PCDHA1: variants seen among roughly 807,000 people sequenced by gnomAD.
PCDHA1 encodes the protein protocadherin alpha-1.
Under a neutral mutation model 61.3 loss-of-function variants are expected in PCDHA1, and 42 were observed. That is an observed-to-expected ratio of 0.69 (90% CI 0.54 to 0.89). PCDHA1 has a LOEUF of 0.89. Among genes scored for constraint, PCDHA1 ranks in the 40% least tolerant of loss-of-function variants. The probability of loss-of-function intolerance (pLI) is 0.00; values close to 1 mark genes in which losing one functional copy is unlikely to be tolerated. For synonymous variants in PCDHA1, 610 were observed against 553.8 expected (o/e 1.10, Z -1.43); for missense variants, 1,256 against 1,235.3 (o/e 1.02, Z -0.25).
chr5:140,891,708 C>A (rs1422243783), intron 1 of PCDHA1, among the ~76,000 whole-genome samples: 1 of 152,182 alleles, frequency 6.6e-6, no homozygotes, highest in Middle Eastern at 3.4e-3. Flanking sequence ...TGAATTTGTA[C>A]CCCCAAATTC....
In PCDHA1 at chr5:141,010,888, T is replaced by C. The variant is rs1419215366; in HGVS notation, c.*951T>C. The stretch of plus-strand genomic sequence containing the variant: ...AGCTATAAATCTTTAAAGAGAAATA[T>C]GAATACAATTCCCCTAAACTCTCCT... On this transcript the variant is annotated 3_prime_UTR_variant, in exon 4 of 4. Transcript: ENST00000504120. The C allele has an allele frequency of 3.9e-5, 6 of 153,866 alleles. 1 individual carries two copies. The highest frequency in any genetic ancestry group is 1.4e-4 in the African/African-American group (6 of 41,562). The allele number at this position is 153,866 out of a possible 1,614,324, so 9.5% of individuals were successfully genotyped here. A position where few individuals can be genotyped will look rare whatever the true frequency, so the allele number is the denominator to read the frequency against.
In PCDHA1 at chr5:140,978,987, C is replaced by T; in HGVS notation, c.2433C>T (p.Ser811=). 4 of 1,614,162 alleles carry T rather than the reference C, an allele frequency of 2.5e-6. No homozygotes were observed. In the South Asian group the frequency reaches 3.3e-5, roughly 13 times the overall value. The change falls in exon 2 of 4, where the codon TCC becomes TCT. Residue 811 remains serine (S), a synonymous_variant. Transcript: ENST00000504120. ...QPNPDWRYSA[S]LRAGMHSSVH... ...ACCCTGACTGGCGTTACTCTGCCTC[C>T]CTGAGAGCAGGCATGCACAGGTATG...
chr5:140,993,462 T>TCACACACACACA (rs3836747), intron 3 of PCDHA1, among the ~76,000 whole-genome samples: 55 of 141,044 alleles, frequency 3.9e-4, no homozygotes, highest in Non-Finnish European at 5.3e-4. Context: ...TCTTTCTTTC[T>TCACACACACACA]CACACACACA....
chr5:140,788,386 A>C lies in PCDHA1; in HGVS notation c.2096A>C (p.Tyr699Ser), dbSNP rs1761463365. 1 of 1,613,908 alleles carries C rather than the reference A, an allele frequency of 6.2e-7. No homozygotes were observed. Among genetic ancestry groups the C allele is most frequent in the African/African-American group, 1.3e-5 (1 of 74,936 alleles). Residue 699 changes from tyrosine (Y) to serine (S), a missense_variant, in exon 1 of 4, where the codon TAC becomes TCC. Transcript: ENST00000504120. ...PEAALVDVNV[Y>S]LIIAICAVSS... is the part of the protein sequence containing the mutation. The stretch of plus-strand genomic sequence containing the variant: ...GCGGCGCTGGTGGATGTCAACGTGT[A>C]CCTGATCATCGCCATCTGCGCGGTG...
At chr5:140,824,621 T>A (rs536552035) in intron 1 of PCDHA1, 1 of 130,846 alleles carries the variant, frequency 7.6e-6, no homozygotes, top group Non-Finnish European at 1.6e-5. Flanking sequence ...TTTTTTTTTT[T>A]TTTTTTTTTT....
Position 140,835,890 on chromosome 5 carries a change from G to C in PCDHA1, c.2394+47206G>C, listed in dbSNP as rs147416989. 5.6e-6 allele frequency: 9 copies of C among 1,611,850 alleles called. No individual in the cohort carries two copies. The Admixed American group carries it at 1.5e-4, about 27-fold the overall frequency. On this transcript the variant is annotated intron_variant, in intron 1 of 3. Transcript: ENST00000504120. The stretch of plus-strand genomic sequence containing the variant: ...GGTGGAGCTGCGGGTGGGCGAGCGC[G>C]CGCTGTCGAGCTACGTGTCAGTGCA...
rs1554118079 is a variant in PCDHA1, at chr5:140,787,968, G to T, written c.1678G>T (p.Asp560Tyr). ...TLQVFVLDEN[D>Y]NAPALLAPRV... The stretch of plus-strand genomic sequence containing the variant: ...GCAGGTGTTCGTGCTGGACGAGAAC[G>T]ACAACGCGCCGGCGCTGCTGGCGCC... The change falls in exon 1 of 4, where the codon GAC becomes TAC. Residue 560 changes from aspartate to tyrosine, a missense_variant. By Grantham distance (160) the Asp-to-Tyr change is radical (BLOSUM62 -3). Transcript: ENST00000504120. The T allele has an allele frequency of 6.2e-7, 1 of 1,613,846 alleles. No homozygotes were observed. The highest frequency in any genetic ancestry group is 1.3e-5 in the African/African-American group (1 of 74,940).
intron 1 of PCDHA1, chr5:140,881,430 T>G: frequency 1.1e-6 from 1 of 889,582 alleles, no homozygotes; most frequent in Non-Finnish European, 1.3e-6. Flanking sequence ...TCCAGGCATA[T>G]TTTATAAAAA....
intron 1 of PCDHA1, among the ~76,000 whole-genome samples, chr5:140,910,320 A>G (rs1362740704): frequency 1.3e-5 from 2 of 152,212 alleles, no homozygotes; most frequent in African/African-American, 4.8e-5. Flanking sequence ...CATGAGTCAG[A>G]CTATTGTGAT....
intron 2 of PCDHA1, 29 bp downstream of exon 2, chr5:140,979,036 A>G: frequency 6.2e-7 from 1 of 1,613,064 alleles, no homozygotes. Context: ...ATTCACTCAG[A>G]AGTAACCTTA....
Position 140,787,293 on chromosome 5 carries a change from A to G in PCDHA1, c.1003A>G (p.Lys335Glu), listed in dbSNP as rs1761361821. 3 of 1,614,060 alleles carry G rather than the reference A, an allele frequency of 1.9e-6. No homozygotes were observed. Among genetic ancestry groups the G allele is most frequent in the East Asian group, 2.2e-5 (1 of 44,894 alleles). The change falls in exon 1 of 4, where the codon AAG (lysine) becomes GAG (glutamate). Residue 335 changes from lysine (K) to glutamate (E), a missense_variant. By Grantham distance (56) the Lys-to-Glu change is moderately conservative. Transcript: ENST00000504120. ...KGSPPMSNHC[K>E]VLVKVLDVND... ...AAGTCCTCCGATGTCAAATCACTGT[A>G]AGGTTTTGGTGAAAGTGCTGGATGT...
At chr5:140,954,831 C>CCT (rs2095096167) in intron 1 of PCDHA1, among the ~76,000 whole-genome samples, 1 of 152,116 alleles carries the variant, frequency 6.6e-6, no homozygotes, top group Admixed American at 6.5e-5. Flanking sequence ...GCACTTTTGT[C>CCT]ATGAAATCTT....
chr5:140,968,118 C>T (rs141928119), intron 1 of PCDHA1: 717 of 1,614,170 alleles, frequency 4.4e-4, no homozygotes, highest in Middle Eastern at 2.3e-3. Context: ...CAGCTCACAT[C>T]CCTGCGTACA....
At chr5:140,823,022 G>C (rs2150121386) in intron 1 of PCDHA1, 1 of 1,614,234 alleles carries the variant, frequency 6.2e-7, no homozygotes, top group Non-Finnish European at 8.5e-7. Flanking sequence ...GACCGCGAGA[G>C]CGTGTCGGTC....
At chr5:140,796,376 GC>G (rs1562159514) in intron 1 of PCDHA1, 1 of 1,613,428 alleles carries the variant, frequency 6.2e-7, no homozygotes, top group Non-Finnish European at 8.5e-7. Context: ...AACCCGCCGG[GC>G]TGCCACATCT....
intron 1 of PCDHA1, chr5:140,851,778 A>G: frequency 3.1e-6 from 3 of 964,858 alleles, no homozygotes; most frequent in Non-Finnish European, 3.8e-6. Context: ...ATGAATTTAG[A>G]TGAGAATTCA....
chr5:140,848,892 T>C, intron 1 of PCDHA1: 1 of 1,601,494 alleles, frequency 6.2e-7, no homozygotes, highest in East Asian at 2.2e-5. Context: ...CCCTCCAGTG[T>C]TCCCAGCGAC....
rs140058365 is a variant in PCDHA1 at position 140,928,379 on chromosome 5, G to A, written c.2395-50570G>A. 5.7e-4 allele frequency: 913 copies of A among 1,614,172 alleles called. 5 individuals are homozygous for A. The African/African-American group carries it at 0.01, about 18-fold the overall frequency. On this transcript the variant is annotated intron_variant, in intron 1 of 3. Transcript: ENST00000504120. ...ATCTCTGAAGGGCCATCAGCCTCTA[G>A]CTTGCTGGCAGTGGAATCATCCAGT...
At chr5:140,800,649 C>A (rs1762585580) in intron 1 of PCDHA1, among the ~76,000 whole-genome samples, 1 of 152,086 alleles carries the variant, frequency 6.6e-6, no homozygotes, top group African/African-American at 2.4e-5. Context: ...TTTTACTTAA[C>A]CTCTATGTGT....
Sources: gnomAD v4.1 joint callset for allele counts (sites outside exome capture counted in the v4.1 genomes callset) on GRCh38, gnomAD v4.1.1 for gene constraint, MANE v1.5 for transcripts, NCBI Gene and HGNC (gene_info 2026-07-23, HGNC 2026-07-21) for gene names.